The following MSI2 variants were observed in gnomAD, a reference collection of about 807,000 sequenced individuals.
The protein encoded by MSI2 is musashi RNA binding protein 2.
A neutral mutation model predicts 45.6 loss-of-function variants in MSI2; 17 were observed. The observed-to-expected ratio is 0.37, with a 90% confidence interval of 0.26 to 0.56. The LOEUF (loss-of-function observed/expected upper bound fraction) is 0.56, where lower values mean the gene tolerates loss of function less well. MSI2 is among the 20% of genes least tolerant of loss of function. MSI2 has a pLI of 0.77. For synonymous variants in MSI2, 156 were observed against 158.2 expected, an observed-to-expected ratio of 0.99 and a Z score of 0.11; for missense variants, 293 against 444.2, an observed-to-expected ratio of 0.66 and a Z score of 3.06.
intron 6 of MSI2, among the ~76,000 whole-genome samples, chr17:57,452,278 G>A (rs1388144138): frequency 6.6e-6 from 1 of 152,242 alleles, no homozygotes; most frequent in African/African-American, 2.4e-5. Flanking sequence ...TCTCCACCAG[G>A]AGAGCAGGGA....
intron 5 of MSI2, among the ~76,000 whole-genome samples, chr17:57,291,691 T>C (rs1673913261): frequency 6.6e-6 from 1 of 152,140 alleles, no homozygotes; most frequent in African/African-American, 2.4e-5. Flanking sequence ...GTCCCGCACT[T>C]GAATTGTTTT....
intron 5 of MSI2, among the ~76,000 whole-genome samples, chr17:57,315,951 T>C (rs1033812373): frequency 6.6e-6 from 1 of 151,686 alleles, no homozygotes; most frequent in Admixed American, 6.6e-5. Context: ...TCACGTGGGG[T>C]ATTGAGAGAC....
chr17:57,634,529 C>G (rs1909692073), intron 10 of MSI2, among the ~76,000 whole-genome samples: 1 of 151,922 alleles, frequency 6.6e-6, no homozygotes, highest in Non-Finnish European at 1.5e-5. Flanking sequence ...GCTGCTTGTT[C>G]AGAGTGCCCT....
intron 6 of MSI2, among the ~76,000 whole-genome samples, chr17:57,447,080 T>TA (rs2084914036): frequency 6.6e-6 from 1 of 152,186 alleles, no homozygotes; most frequent in African/African-American, 2.4e-5. Context: ...GAAAATTGTT[T>TA]AAAGTATCAT....
chr17:57,530,789 G>A (rs1462669981), intron 7 of MSI2, among the ~76,000 whole-genome samples: 1 of 152,150 alleles, frequency 6.6e-6, no homozygotes, highest in Non-Finnish European at 1.5e-5. Flanking sequence ...GTGAGTGAAA[G>A]GCAAGAAGGA....
chr17:57,584,793 T>G (rs1432190891), intron 7 of MSI2, among the ~76,000 whole-genome samples: 1 of 88,446 alleles, frequency 1.1e-5, no homozygotes, highest in Non-Finnish European at 2.7e-5. Context: ...TGATTTGGGT[T>G]TTTTTTTTTT....
At chr17:57,631,228 C>T (rs1310875137) in intron 10 of MSI2, 3 of 152,546 alleles carry the variant, frequency 2.0e-5, no homozygotes, top group African/African-American at 4.8e-5. Context: ...AAAGCACGCC[C>T]AGGTCCTAGA....
intron 6 of MSI2, among the ~76,000 whole-genome samples, chr17:57,414,836 A>C (rs2084264345): frequency 6.6e-6 from 1 of 152,154 alleles, no homozygotes; most frequent in African/African-American, 2.4e-5. Context: ...GCTTAATAGA[A>C]CTAAGGGAAT....
At chr17:57,375,381 A>G (rs2083479415) in intron 5 of MSI2, among the ~76,000 whole-genome samples, 1 of 152,104 alleles carries the variant, frequency 6.6e-6, no homozygotes, top group African/African-American at 2.4e-5. Context: ...AGGAGAGGAA[A>G]CTCAAGAGGC....
At chr17:57,526,928 C>T (rs141862250) in intron 6 of MSI2, among the ~76,000 whole-genome samples, 20 of 152,222 alleles carry the variant, frequency 1.3e-4, no homozygotes, top group Non-Finnish European at 2.5e-4. Context: ...GCCCTAAAAA[C>T]ATATACAGAT....
rs1033904063 is a variant in MSI2 at position 57,680,431 on chromosome 17, C to T, written c.*914C>T. The T allele has an allele frequency of 4.4e-6, 1 of 228,918 alleles. No individual in the cohort carries two copies. Among genetic ancestry groups the T allele is most frequent in the East Asian group, 6.2e-5 (1 of 16,080 alleles). 14.2% of individuals were successfully genotyped at this position (228,918 alleles called of 1,614,324 possible). Reference sequence around the variant, plus strand: ...TTTTTGTGAGGGAGTCGGTCCCAGGCAGTTTGATGCTCTGTGGAAGGAGGC... The same window carrying T: ...TTTTTGTGAGGGAGTCGGTCCCAGGTAGTTTGATGCTCTGTGGAAGGAGGC... On this transcript the variant is annotated 3_prime_UTR_variant, in exon 14 of 14. Transcript: ENST00000284073.
At chr17:57,687,343 A>G (rs964326021), downstream of MSI2, among the ~76,000 whole-genome samples, 3 of 152,100 alleles carry the variant, frequency 2.0e-5, no homozygotes, top group African/African-American at 7.2e-5. Context: ...AAGCAATAGA[A>G]TAGAAAACAT....
intron 7 of MSI2, among the ~76,000 whole-genome samples, chr17:57,563,098 CAAAAAAAA>C (rs59975200): frequency 5.6e-5 from 4 of 71,272 alleles, no homozygotes; most frequent in African/African-American, 2.3e-4. Context: ...ACTTCGTCTC[CAAAAAAAA>C]AAAAAAAAAA....
intron 7 of MSI2, among the ~76,000 whole-genome samples, chr17:57,554,668 C>T (rs189117450): frequency 1.1e-3 from 173 of 152,334 alleles, no homozygotes; most frequent in Non-Finnish European, 2.1e-3. Context: ...AATTCTTTTG[C>T]TTTATCTCAT....
intron 7 of MSI2, among the ~76,000 whole-genome samples, chr17:57,543,852 A>G (rs1474696873): frequency 2.6e-5 from 4 of 152,186 alleles, no homozygotes; most frequent in Admixed American, 2.0e-4. Context: ...ATTTCCCTTC[A>G]TGTTATTTTT....
chr17:57,425,819 A>T (rs958495651), intron 6 of MSI2, among the ~76,000 whole-genome samples: 1 of 152,206 alleles, frequency 6.6e-6, no homozygotes, highest in Admixed American at 6.5e-5. Flanking sequence ...TTTGCTATTT[A>T]TTGCCAAACT....
chr17:57,362,633 A>G (rs1440174508), intron 5 of MSI2, among the ~76,000 whole-genome samples: 1 of 152,134 alleles, frequency 6.6e-6, no homozygotes, highest in Non-Finnish European at 1.5e-5. Context: ...TGGAGGAGCC[A>G]TGTGGTTCTA....
rs1364350911 is a variant in MSI2 at position 57,680,753 on chromosome 17, T to TGGGTGG, written c.*1245_*1250dup. 4.3e-5 allele frequency: 2 copies of TGGGTGG among 46,182 alleles called. No individual in the cohort carries two copies. Among genetic ancestry groups the TGGGTGG allele is most frequent in the Non-Finnish European group, 8.0e-5 (2 of 25,124 alleles). 2.9% of individuals were successfully genotyped at this position (46,182 alleles called of 1,614,324 possible). On this transcript the variant is annotated 3_prime_UTR_variant, in exon 14 of 14. Coordinates refer to ENST00000284073, the MANE Select transcript of MSI2 (RefSeq NM_138962.4). The stretch of plus-strand genomic sequence containing the variant: ...AGTTTCAAAGCACACCTGTTTGGCT[T>TGGGTGG]GGGTGGGGGTGGGGTGGGGGGGACA...
At chr17:57,663,928 G>A (rs959706217) in intron 11 of MSI2, among the ~76,000 whole-genome samples, 16 of 152,160 alleles carry the variant, frequency 1.1e-4, no homozygotes, top group African/African-American at 3.9e-4. Context: ...GCAGCTGAGA[G>A]GCTTGCTTTC....
Sources: allele counts gnomAD v4.1 joint callset (sites outside exome capture counted in the v4.1 genomes callset), GRCh38; gene constraint gnomAD v4.1.1; transcripts MANE v1.5; gene names NCBI Gene and HGNC (gene_info 2026-07-23, HGNC 2026-07-21).